KCNQ5: variants seen among roughly 807,000 people sequenced by gnomAD.
KCNQ5 encodes the protein potassium voltage-gated channel subfamily Q member 5, also known as potassium voltage-gated channel subfamily KQT member 5.
In KCNQ5, 30 loss-of-function variants were observed where a neutral mutation model predicts 98.2. The observed-to-expected ratio is 0.31, with a 90% CI of 0.23 to 0.41. The LOEUF (loss-of-function observed/expected upper bound fraction) is 0.41. KCNQ5 is among the 10% of genes least tolerant of loss of function. The pLI is 1.00. For missense variants in KCNQ5, 835 were observed against 1,182.5 expected, an observed-to-expected ratio of 0.71 and a Z score of 4.31; for synonymous variants, 458 against 449.4, an observed-to-expected ratio of 1.02 and a Z score of -0.24.
chr6:73,182,756 G>A lies in KCNQ5; in HGVS notation c.1578-7817G>A, dbSNP rs570822746. On this transcript the variant is annotated intron_variant, in intron 11 of 13. Coordinates refer to ENST00000370398, the MANE Select transcript of KCNQ5 (RefSeq NM_019842.4). ...GGCCTACTCTCTCCTCTTATCAAAG[G>A]CTAATTGGGTAGCTTTTTGCTCATG... 2.0e-5 allele frequency among the ~76,000 whole-genome samples: 3 copies of A among 152,162 alleles called. No homozygotes were observed. In the South Asian group the frequency reaches 6.2e-4, roughly 32 times the overall value.
chr6:73,029,088 A>G (rs1016784253), intron 2 of KCNQ5, among the ~76,000 whole-genome samples: 3 of 152,186 alleles, frequency 2.0e-5, no homozygotes, highest in South Asian at 2.1e-4. Flanking sequence ...TGATGTATTA[A>G]TTAAGACATA....
At chr6:72,792,809 G>A (rs1774126368) in intron 1 of KCNQ5, among the ~76,000 whole-genome samples, 1 of 152,126 alleles carries the variant, frequency 6.6e-6, no homozygotes, top group Non-Finnish European at 1.5e-5. Context: ...ACATATTTAG[G>A]GATGCATGGG....
intron 1 of KCNQ5, among the ~76,000 whole-genome samples, chr6:72,662,155 C>T (rs1459946016): frequency 6.6e-6 from 1 of 152,138 alleles, no homozygotes; most frequent in Non-Finnish European, 1.5e-5. Flanking sequence ...TTCTTTTCCT[C>T]TCAGCACATT....
intron 1 of KCNQ5, among the ~76,000 whole-genome samples, chr6:72,851,951 A>T (rs769019000): frequency 8.5e-5 from 13 of 152,130 alleles, no homozygotes; most frequent in Non-Finnish European, 1.9e-4. Context: ...ATAATGTAAA[A>T]ATAGGTAGCT....
chr6:72,687,298 G>A (rs114258587), intron 1 of KCNQ5, among the ~76,000 whole-genome samples: 1,555 of 152,236 alleles, frequency 0.01, 25 homozygotes, highest in African/African-American at 0.036. Context: ...TATGTCTATT[G>A]TATATGTCTT....
chr6:72,791,614 C>T (rs1336601886), intron 1 of KCNQ5, among the ~76,000 whole-genome samples: 3 of 152,124 alleles, frequency 2.0e-5, no homozygotes, highest in Non-Finnish European at 4.4e-5. Flanking sequence ...GACTAATGTG[C>T]AGCAAAAGAA....
In KCNQ5 at chr6:73,193,383, T is replaced by G. The variant is rs990503563; in HGVS notation, c.1836+692T>G. 2.6e-5 allele frequency among the ~76,000 whole-genome samples: 4 copies of G among 151,158 alleles called. No individual in the cohort carries two copies. In the East Asian group the frequency reaches 5.8e-4, roughly 22 times the overall value. On this transcript the variant is annotated intron_variant, in intron 13 of 13. Transcript: ENST00000370398. ...TGGCTCATGCCTGTAGTCCTAACAC[T>G]TTTGGAGGCCGAGGCGGGCAGATCA... is the stretch of plus-strand genomic sequence containing the variant.
chr6:73,060,388 T>C (rs1189173525), intron 3 of KCNQ5, among the ~76,000 whole-genome samples: 1 of 152,214 alleles, frequency 6.6e-6, no homozygotes, highest in South Asian at 2.1e-4. Context: ...TATCCATATC[T>C]ATCTTACCAG....
intron 1 of KCNQ5, among the ~76,000 whole-genome samples, chr6:72,917,368 C>A (rs2150212390): frequency 6.6e-6 from 1 of 152,192 alleles, no homozygotes; most frequent in South Asian, 2.1e-4. Context: ...TTTTGTTAAA[C>A]TGAGACCATC....
chr6:72,691,290 A>C (rs1768202719), intron 1 of KCNQ5, among the ~76,000 whole-genome samples: 1 of 152,242 alleles, frequency 6.6e-6, no homozygotes, highest in African/African-American at 2.4e-5. Context: ...AAACCGATTT[A>C]TAAACCCTAT....
chr6:72,917,646 T>C (rs533717798), intron 1 of KCNQ5, among the ~76,000 whole-genome samples: 81 of 152,050 alleles, frequency 5.3e-4, no homozygotes, highest in African/African-American at 1.8e-3. Context: ...CTGATTTTTG[T>C]ATTTTTAGTA....
intron 7 of KCNQ5, 106 bp from the exon 8 acceptor site, chr6:73,120,377 G>A (rs1297451553): frequency 1.3e-6 from 1 of 760,894 alleles, no homozygotes; most frequent in South Asian, 2.3e-5. Flanking sequence ...AAGTATAAGA[G>A]GCAAAAGATT....
chr6:73,153,059 G>A (rs1777218452), intron 10 of KCNQ5, among the ~76,000 whole-genome samples: 1 of 152,170 alleles, frequency 6.6e-6, no homozygotes, highest in Non-Finnish European at 1.5e-5. Context: ...ATGCCCAGGA[G>A]TCTGGGAGAG....
At chr6:73,137,208 A>G (rs1040059539) in intron 10 of KCNQ5, among the ~76,000 whole-genome samples, 9 of 152,200 alleles carry the variant, frequency 5.9e-5, no homozygotes, top group Non-Finnish European at 8.8e-5. Flanking sequence ...TGACTCTTTA[A>G]GAAGGTTATT....
intron 12 of KCNQ5, among the ~76,000 whole-genome samples, chr6:73,192,222 T>C (rs567696486): frequency 6.6e-6 from 1 of 152,372 alleles, no homozygotes; most frequent in East Asian, 1.9e-4. Context: ...GTTCTATTAA[T>C]GTAAGATCTC....
chr6:72,770,588 A>G (rs761473253), intron 1 of KCNQ5, among the ~76,000 whole-genome samples: 2 of 152,170 alleles, frequency 1.3e-5, no homozygotes, highest in African/African-American at 2.4e-5. Flanking sequence ...TTAGTATGAA[A>G]TCAATAATTA....
intron 1 of KCNQ5, among the ~76,000 whole-genome samples, chr6:72,832,588 G>C (rs941444891): frequency 6.6e-6 from 1 of 152,104 alleles, no homozygotes; most frequent in Non-Finnish European, 1.5e-5. Context: ...TCAGTGTCTT[G>C]TTTAGTCAAG....
chr6:73,074,053 T>G (rs943487059), intron 3 of KCNQ5, among the ~76,000 whole-genome samples: 3 of 152,190 alleles, frequency 2.0e-5, no homozygotes, highest in African/African-American at 7.2e-5. Context: ...AGAACAAAGC[T>G]CAGCCAACTT....
chr6:72,658,576 ATATT>A (rs1322106658), intron 1 of KCNQ5, among the ~76,000 whole-genome samples: 2 of 92,388 alleles, frequency 2.2e-5, no homozygotes, highest in African/African-American at 8.8e-5. Flanking sequence ...ATATATATAT[ATATT>A]TTTTTTTTTT....
Sources: allele counts gnomAD v4.1 joint callset (sites outside exome capture counted in the v4.1 genomes callset), GRCh38; gene constraint gnomAD v4.1.1; transcripts MANE v1.5; gene names NCBI Gene and HGNC (gene_info 2026-07-23, HGNC 2026-07-21).